The following TUSC3 variants were observed in gnomAD, a reference collection of about 807,000 sequenced individuals.
The protein encoded by TUSC3 is dolichyl-diphosphooligosaccharide--protein glycosyltransferase subunit TUSC3.
TUSC3 carries 45 observed loss-of-function variants against 44.8 expected under a neutral mutation model. The ratio of observed to expected loss-of-function variants is 1.00; its 90% CI spans 0.79 to 1.29. The LOEUF (loss-of-function observed/expected upper bound fraction) is 1.29. Ranked by LOEUF, TUSC3 falls within the 50% of genes most tolerant of loss-of-function variation. The pLI is 0.00. For missense variants in TUSC3, 519 were observed against 437.9 expected, an observed-to-expected ratio of 1.19 and a Z score of -1.65; for synonymous variants, 212 against 152.9, an observed-to-expected ratio of 1.39 and a Z score of -2.85.
chr8:15,722,852 T>C (rs1041092800), intron 6 of TUSC3, among the ~76,000 whole-genome samples: 1 of 152,074 alleles, frequency 6.6e-6, no homozygotes, highest in East Asian at 1.9e-4. Flanking sequence ...CCTTCTTACT[T>C]GTGAGAAGTT....
In TUSC3 at chr8:15,522,236, G is replaced by T. The variant is rs936074571; in HGVS notation, n.189+38753G>T. ...GTCAATAAATAGTATTCAGCCCTTTGTTTTTTTTTTTTCTTTGAGACAGTC... is the reference window on the plus strand; with the variant it reads ...GTCAATAAATAGTATTCAGCCCTTTTTTTTTTTTTTTTCTTTGAGACAGTC... On this transcript the variant is annotated intron_variant and non_coding_transcript_variant, in intron 2 of 5. Coordinates refer to the TUSC3 transcript ENST00000503191. Among the ~76,000 whole-genome samples the T allele has an allele frequency of 3.8e-3, 551 of 145,508 alleles. 3 individuals are homozygous for T. Among genetic ancestry groups the T allele is most frequent in the African/African-American group, 0.012 (492 of 39,900 alleles).
At chr8:15,821,854 A>T in the TUSC3 span, among the ~76,000 whole-genome samples, 1 of 152,190 alleles carries the variant, frequency 6.6e-6, no homozygotes, top group Non-Finnish European at 1.5e-5. Flanking sequence ...TAACACCATC[A>T]AAGTGCAACT....
At chr8:15,587,144 T>A (rs533880678) in intron 1 of TUSC3, among the ~76,000 whole-genome samples, 1 of 152,318 alleles carries the variant, frequency 6.6e-6, no homozygotes, top group Admixed American at 6.5e-5. Flanking sequence ...ATAATTAACT[T>A]GCTGTGCTAT....
At chr8:15,546,275 T>G (rs1801860467) in intron 1 of TUSC3, among the ~76,000 whole-genome samples, 1 of 151,798 alleles carries the variant, frequency 6.6e-6, no homozygotes, top group African/African-American at 2.4e-5. Context: ...GTTTTCTCAT[T>G]GCTGTTTTAT....
chr8:15,750,590 ATGT>A (rs139430065), intron 9 of TUSC3, among the ~76,000 whole-genome samples: 17 of 151,546 alleles, frequency 1.1e-4, no homozygotes, highest in South Asian at 4.2e-4. Context: ...CTCTGGGGTT[ATGT>A]TGTTGTTGTT....
chr8:15,722,985 G>C (rs1457077163), intron 6 of TUSC3, among the ~76,000 whole-genome samples: 1 of 152,076 alleles, frequency 6.6e-6, no homozygotes, highest in Non-Finnish European at 1.5e-5. Flanking sequence ...CTCATTAGTA[G>C]TACAAATTTC....
chr8:15,623,432 T>C (rs926427826), intron 2 of TUSC3, among the ~76,000 whole-genome samples, 183 bp downstream of exon 2: 3 of 152,184 alleles, frequency 2.0e-5, no homozygotes, highest in Admixed American at 6.5e-5. Context: ...TATTCTTTTA[T>C]TGGGGGCATG....
chr8:15,829,077 C>A, the TUSC3 span, among the ~76,000 whole-genome samples: 2 of 152,118 alleles, frequency 1.3e-5, no homozygotes, highest in Non-Finnish European at 2.9e-5. Context: ...TCTTCTCATA[C>A]TTACCCACTT....
intron 1 of TUSC3, among the ~76,000 whole-genome samples, chr8:15,548,413 G>A (rs1442714560): frequency 6.6e-6 from 1 of 151,784 alleles, no homozygotes; most frequent in East Asian, 1.9e-4. Context: ...ATGGCTTTGG[G>A]AAAGTTTCCT....
intron 1 of TUSC3, among the ~76,000 whole-genome samples, chr8:15,549,266 C>T (rs1439158507): frequency 4.6e-5 from 7 of 151,824 alleles, no homozygotes; most frequent in South Asian, 2.1e-4. Context: ...CCCTGCCTCC[C>T]GGATTCAAGT....
intron 1 of TUSC3, among the ~76,000 whole-genome samples, chr8:15,548,891 C>T (rs958711679): frequency 6.6e-6 from 1 of 151,662 alleles, no homozygotes; most frequent in Non-Finnish European, 1.5e-5. Flanking sequence ...CCTCCCTGAT[C>T]CTTGAATCTC....
chr8:15,848,616 C>G, the TUSC3 span, among the ~76,000 whole-genome samples: 635 of 152,230 alleles, frequency 4.2e-3, no homozygotes, highest in African/African-American at 0.015. Context: ...ATTCTTGGCT[C>G]TGTGTGGGTG....
chr8:15,838,364 T>G, the TUSC3 span, among the ~76,000 whole-genome samples: 1 of 152,206 alleles, frequency 6.6e-6, no homozygotes, highest in Non-Finnish European at 1.5e-5. Context: ...TTTAGAAGGC[T>G]TCTATTTTAA....
intron 6 of TUSC3, among the ~76,000 whole-genome samples, chr8:15,697,628 G>A (rs1168431061): frequency 2.0e-5 from 3 of 152,150 alleles, no homozygotes; most frequent in Admixed American, 6.6e-5. Flanking sequence ...TTGAATGAGT[G>A]AATGAATGAG....
chr8:15,512,908 ATATATGTATC>A (rs1192557036), intron 2 of TUSC3, among the ~76,000 whole-genome samples: 7 of 122,958 alleles, frequency 5.7e-5, no homozygotes, highest in South Asian at 2.7e-4. Context: ...CTCGGTGTAT[ATATATGTATC>A]TATATATATA....
chr8:15,556,360 T>A (rs1337853542), intron 1 of TUSC3, among the ~76,000 whole-genome samples: 1 of 150,808 alleles, frequency 6.6e-6, no homozygotes, highest in Admixed American at 6.6e-5. Context: ...TGCATAGTAT[T>A]CCATGGTGTA....
chr8:15,641,083 G>A (rs575507309), intron 2 of TUSC3, among the ~76,000 whole-genome samples: 6 of 152,156 alleles, frequency 3.9e-5, no homozygotes, highest in African/African-American at 9.6e-5. Flanking sequence ...GGTTGAGGCC[G>A]GGCGCGGTGG....
chr8:15,691,701 G>C (rs577579206), intron 6 of TUSC3, among the ~76,000 whole-genome samples: 8 of 152,266 alleles, frequency 5.3e-5, no homozygotes, highest in Middle Eastern at 3.4e-3. Flanking sequence ...CTAGTTTGTT[G>C]AGGGTTTTTA....
At chr8:15,687,428 C>A (rs1223973406) in intron 6 of TUSC3, among the ~76,000 whole-genome samples, 1 of 152,306 alleles carries the variant, frequency 6.6e-6, no homozygotes, top group South Asian at 2.1e-4. Context: ...CATCTGATGT[C>A]TTTCAAACTC....
Sources: gnomAD v4.1 joint callset for allele counts (sites outside exome capture counted in the v4.1 genomes callset) on GRCh38, gnomAD v4.1.1 for gene constraint, MANE v1.5 for transcripts, NCBI Gene and HGNC (gene_info 2026-07-23, HGNC 2026-07-21) for gene names.